The following STX16 variants were observed in gnomAD, a reference collection of about 807,000 sequenced individuals.
The protein encoded by STX16 is syntaxin-16.
Under a neutral mutation model 42.7 loss-of-function variants are expected in STX16, and 28 were observed. The ratio of observed to expected loss-of-function variants is 0.66; its 90% confidence interval spans 0.49 to 0.90. The LOEUF (loss-of-function observed/expected upper bound fraction) is 0.90, where lower values mean the gene tolerates loss of function less well. STX16 is among the 40% of genes least tolerant of loss of function. The pLI is 0.00. For missense variants in STX16, 361 were observed against 420.9 expected (o/e 0.86, Z 1.24); for synonymous variants, 156 against 155.2 (o/e 1.00, Z -0.04).
intron 4 of STX16, 80 bp from the exon 5 acceptor site, chr20:58,669,211 A>C: frequency 6.8e-7 from 1 of 1,481,168 alleles, no homozygotes; most frequent in Non-Finnish European, 9.2e-7. Flanking sequence ...CTCACTTCTC[A>C]CTCTGGCTTG....
chr20:58,674,558 G>A (rs920899669), intron 8 of STX16, among the ~76,000 whole-genome samples: 18 of 152,152 alleles, frequency 1.2e-4, no homozygotes, highest in African/African-American at 4.3e-4. Flanking sequence ...CTATACCAGA[G>A]ATCGCCCCAT....
chr20:58,675,681 T>A (rs1011682899), intron 8 of STX16, among the ~76,000 whole-genome samples: 1 of 152,168 alleles, frequency 6.6e-6, no homozygotes, highest in Non-Finnish European at 1.5e-5. Flanking sequence ...AAAGGATGAG[T>A]TTTTGTTTCC....
At chr20:58,667,902 C>T (rs1221615135) in intron 3 of STX16, 85 bp from the exon 4 acceptor site, 15 of 1,567,530 alleles carry the variant, frequency 9.6e-6, no homozygotes, top group South Asian at 7.0e-5. Flanking sequence ...TGCTGAAGAC[C>T]GAATTCTGTA....
At position 58,679,144 on chromosome 20, in the gene STX16, C is replaced by G. The variant is rs2084210265; in HGVS notation, c.*2853C>G. The G allele has an allele frequency of 6.6e-6, 1 of 152,296 alleles. No individual in the cohort carries two copies. The highest frequency in any genetic ancestry group is 1.5e-5 in the Non-Finnish European group (1 of 68,052). The allele number at this position is 152,296 out of a possible 1,614,324, so 9.4% of individuals were successfully genotyped here. A position where few individuals can be genotyped will look rare whatever the true frequency, so the allele number is the denominator to read the frequency against. On this transcript the variant is annotated 3_prime_UTR_variant, in exon 9 of 9. Transcript: ENST00000371141. ...CAAGATTGTAACTGAAAACTGCTGT[C>G]TCTTGTTTTGTTCGTTTTGGGGGTG...
chr20:58,651,862 T>C lies in STX16; in HGVS notation c.-145T>C. The C allele has an allele frequency of 1.2e-6, 1 of 801,300 alleles. No individual in the cohort carries two copies. The highest frequency in any genetic ancestry group is 2.0e-6 in the Non-Finnish European group (1 of 495,186). 49.6% of individuals were successfully genotyped at this position (801,300 alleles called of 1,614,324 possible). On this transcript the variant is annotated 5_prime_UTR_variant, in exon 1 of 9. Coordinates refer to ENST00000371141, the MANE Select transcript of STX16 (RefSeq NM_001001433.3). Reference sequence around the variant, plus strand: ...TCTACGCCTTGGCGAAGCGCACAGCTGCATCTTTTTGGCTTGAGGCCTGAG... The same window carrying C: ...TCTACGCCTTGGCGAAGCGCACAGCCGCATCTTTTTGGCTTGAGGCCTGAG...
intron 2 of STX16, among the ~76,000 whole-genome samples, chr20:58,660,575 T>C (rs1329413284): frequency 5.9e-5 from 9 of 152,114 alleles, no homozygotes; most frequent in African/African-American, 1.4e-4. Context: ...GTTAAATATA[T>C]TGTGTAGCAT....
chr20:58,670,393 G>A (rs997740139), intron 5 of STX16, 119 bp from the exon 6 acceptor site: 9 of 737,678 alleles, frequency 1.2e-5, no homozygotes, highest in East Asian at 2.7e-5. Context: ...TCTTTAAAGC[G>A]GCTAAGAATA....
rs1363663976 is a variant in STX16, at chr20:58,659,792, G to A, written c.144+158G>A. Among the ~76,000 whole-genome samples the A allele has an allele frequency of 9.9e-5, 15 of 152,234 alleles. No individual in the cohort carries two copies. The East Asian group carries it at 2.7e-3, about 27-fold the overall frequency. On this transcript the variant is annotated intron_variant, in intron 2 of 8. Transcript: ENST00000371141. ...AATTTTTTTAACAGTTTAATATGTAGAATTTAATCTATTTTCACACCATGT... is the reference window on the plus strand; with the variant it reads ...AATTTTTTTAACAGTTTAATATGTAAAATTTAATCTATTTTCACACCATGT...
In STX16 at chr20:58,677,712, A is replaced by T. The variant is rs1021064466; in HGVS notation, c.*1421A>T. On this transcript the variant is annotated 3_prime_UTR_variant, in exon 9 of 9. Transcript: ENST00000371141. ...TTAAATGTGCTGTTTTATTTGGACC[A>T]GTCACACAAAATGTCTCTCTAGAGT... 1 of 152,244 alleles carries T rather than the reference A, an allele frequency of 6.6e-6. No individual in the cohort carries two copies. The highest frequency in any genetic ancestry group is 1.9e-4 in the East Asian group (1 of 5,204). The allele number at this position is 152,244 out of a possible 1,614,324, so 9.4% of individuals were successfully genotyped here. A position where few individuals can be genotyped will look rare whatever the true frequency, so the allele number is the denominator to read the frequency against.
intron 7 of STX16, 114 bp downstream of exon 7, chr20:58,671,411 G>A: frequency 3.4e-6 from 3 of 892,658 alleles, no homozygotes; most frequent in African/African-American, 2.3e-5. Flanking sequence ...CAACATGTGT[G>A]TGCACCTGTC....
chr20:58,667,619 T>C, intron 3 of STX16, 22 bp downstream of exon 3: 1 of 1,588,866 alleles, frequency 6.3e-7, no homozygotes, highest in Non-Finnish European at 8.6e-7. Flanking sequence ...GTTAGTTTCA[T>C]AGCATCTTGT....
At chr20:58,675,665 T>G (rs2084097018) in intron 8 of STX16, among the ~76,000 whole-genome samples, 2 of 152,240 alleles carry the variant, frequency 1.3e-5, no homozygotes, top group African/African-American at 4.8e-5. Flanking sequence ...TGTCTGTTTT[T>G]ATTTCAAAGG....
chr20:58,676,602 G>A lies in STX16; in HGVS notation c.*311G>A, dbSNP rs2084133353. 1 of 239,894 alleles carries A rather than the reference G, an allele frequency of 4.2e-6. No homozygotes were observed. The highest frequency in any genetic ancestry group is 2.3e-5 in the African/African-American group (1 of 44,228). The allele number at this position is 239,894 out of a possible 1,614,324, so 14.9% of individuals were successfully genotyped here. On this transcript the variant is annotated 3_prime_UTR_variant, in exon 9 of 9. Transcript: ENST00000371141. The stretch of plus-strand genomic sequence containing the variant: ...AGAGAAAATGAGCTGAGAGTTTACA[G>A]GCACTGCAGAAGCTGTTCAGTATTA...
rs187315973 is a variant in STX16 at position 58,672,339 on chromosome 20, T to A, written c.792+1042T>A. On this transcript the variant is annotated intron_variant, in intron 7 of 8. Transcript: ENST00000371141. ...AAGAGTGAAACTCTGTCTCAAAAAA[T>A]ATATATATATATATTGTATAAAATT... is the stretch of plus-strand genomic sequence containing the variant. 2.7e-3 allele frequency among the ~76,000 whole-genome samples: 400 copies of A among 150,764 alleles called. 3 individuals are homozygous for A. Among genetic ancestry groups the A allele is most frequent in the South Asian group, 0.02 (96 of 4,788 alleles).
Position 58,651,843 on chromosome 20 carries a change from C to T in STX16, c.-164C>T. On this transcript the variant is annotated 5_prime_UTR_variant, in exon 1 of 9. Transcript: ENST00000371141. ...AGTTATTTGGGGAGGGGTCTCTACG[C>T]CTTGGCGAAGCGCACAGCTGCATCT... The T allele has an allele frequency of 2.9e-6, 2 of 689,434 alleles. No homozygotes were observed. Among genetic ancestry groups the T allele is most frequent in the Non-Finnish European group, 4.9e-6 (2 of 407,242 alleles). The allele number at this position is 689,434 out of a possible 1,614,324, so 42.7% of individuals were successfully genotyped here.
intron 1 of STX16, chr20:58,652,371 A>ACCCCCCCCCC (rs11481928): frequency 1.6e-4 from 72 of 462,046 alleles, no homozygotes; most frequent in African/African-American, 5.2e-4. Context: ...CTTCCGCAGC[A>ACCCCCCCCCC]CCCCCCCCCC....
At chr20:58,674,679 C>G (rs535364639) in intron 8 of STX16, among the ~76,000 whole-genome samples, 1 of 152,276 alleles carries the variant, frequency 6.6e-6, no homozygotes, top group Admixed American at 6.5e-5. Flanking sequence ...ATATGAGACT[C>G]CAGCCTGTGG....
intron 8 of STX16, among the ~76,000 whole-genome samples, chr20:58,674,565 C>T (rs1441785002): frequency 6.6e-6 from 1 of 152,158 alleles, no homozygotes; most frequent in East Asian, 1.9e-4. Context: ...AGAGATCGCC[C>T]CATTTAATAG....
At chr20:58,670,707 C>A in intron 6 of STX16, 104 bp downstream of exon 6, 1 of 931,944 alleles carries the variant, frequency 1.1e-6, no homozygotes, top group Non-Finnish European at 1.7e-6. Flanking sequence ...TGGATTGATA[C>A]AGTTGACTTG....
Sources: gnomAD v4.1 joint callset for allele counts (sites outside exome capture counted in the v4.1 genomes callset) on GRCh38, gnomAD v4.1.1 for gene constraint, MANE v1.5 for transcripts, NCBI Gene and HGNC (gene_info 2026-07-23, HGNC 2026-07-21) for gene names.